The following BMPER variants were observed in gnomAD, a reference collection of about 807,000 sequenced individuals.
BMPER encodes BMP binding endothelial regulator, also known as BMP-binding endothelial regulator protein.
Under a neutral mutation model 87.3 loss-of-function variants are expected in BMPER, and 45 were observed. That is an observed-to-expected ratio of 0.52 (90% CI 0.41 to 0.66). The LOEUF (loss-of-function observed/expected upper bound fraction) is 0.66, where lower values mean the gene tolerates loss of function less well. Ranked by LOEUF, BMPER falls within the 30% of genes least tolerant of loss-of-function variation. The probability of loss-of-function intolerance (pLI) is 0.00; values close to 1 mark genes in which losing one functional copy is unlikely to be tolerated. For missense variants in BMPER, 784 were observed against 867.5 expected (o/e 0.90, Z 1.21); for synonymous variants, 326 against 316.2 (o/e 1.03, Z -0.33).
At chr7:34,007,914 T>A (rs1200890884) in intron 6 of BMPER, among the ~76,000 whole-genome samples, 1 of 151,956 alleles carries the variant, frequency 6.6e-6, no homozygotes, top group Non-Finnish European at 1.5e-5. Context: ...GATATTCACC[T>A]CCATTGAGAG....
intron 2 of BMPER, among the ~76,000 whole-genome samples, chr7:33,930,204 A>ATT (rs999841870): frequency 6.6e-6 from 1 of 150,984 alleles, no homozygotes; most frequent in African/African-American, 2.4e-5. Flanking sequence ...TTGTCTTTCT[A>ATT]TTTTTTTTCA....
rs1791289923 is a variant in BMPER, at chr7:34,155,712, C to G, written c.*2439C>G. 1 of 152,200 alleles carries G rather than the reference C, an allele frequency of 6.6e-6. No homozygotes were observed. Among genetic ancestry groups the G allele is most frequent in the Admixed American group, 6.5e-5 (1 of 15,284 alleles). The allele number at this position is 152,200 out of a possible 1,614,324, so 9.4% of individuals were successfully genotyped here. On this transcript the variant is annotated 3_prime_UTR_variant, in exon 15 of 15. Transcript: ENST00000649409. Reference sequence around the variant, plus strand: ...TTCTTTTTTAGGCCACAGGCTACAGCTGAGCAATGGCTTAGTCTAATGATT... The same window carrying G: ...TTCTTTTTTAGGCCACAGGCTACAGGTGAGCAATGGCTTAGTCTAATGATT...
At chr7:34,062,748 T>A (rs1425830016) in intron 11 of BMPER, among the ~76,000 whole-genome samples, 1 of 152,198 alleles carries the variant, frequency 6.6e-6, no homozygotes, top group African/African-American at 2.4e-5. Flanking sequence ...GTACAGCGTG[T>A]CGCTGTACTG....
At chr7:34,152,952 C>A in intron 14 of BMPER, 140 bp from the exon 15 acceptor site, 1 of 980,516 alleles carries the variant, frequency 1.0e-6, no homozygotes, top group Non-Finnish European at 1.6e-6. Context: ...GTTTGTCATT[C>A]TCTTGTTAAA....
Position 34,153,462 on chromosome 7 carries a change from T to G in BMPER, c.*189T>G. Reference sequence around the variant, plus strand: ...TATATGAACTATAGGGGGATTATTATATGTATATTTTTTGCTATAAGACAT... The same window carrying G: ...TATATGAACTATAGGGGGATTATTAGATGTATATTTTTTGCTATAAGACAT... On this transcript the variant is annotated 3_prime_UTR_variant, in exon 15 of 15. Coordinates refer to ENST00000649409, the MANE Select transcript of BMPER (RefSeq NM_001365308.1). 8.0e-6 allele frequency: 5 copies of G among 625,022 alleles called. No homozygotes were observed. The South Asian group carries it at 1.0e-4, about 13-fold the overall frequency. The allele number at this position is 625,022 out of a possible 1,614,324, so 38.7% of individuals were successfully genotyped here. A position where few individuals can be genotyped will look rare whatever the true frequency, so the allele number is the denominator to read the frequency against.
intron 6 of BMPER, among the ~76,000 whole-genome samples, chr7:34,020,643 G>A (rs1236288489): frequency 1.3e-5 from 2 of 151,918 alleles, no homozygotes. Context: ...ATAAAACATA[G>A]GAGTAAAAGG....
chr7:34,055,177 T>C lies in BMPER; in HGVS notation c.801T>C (p.Val267=), dbSNP rs761271423. 5.0e-6 allele frequency: 8 copies of C among 1,614,028 alleles called. No homozygotes were observed. Among genetic ancestry groups the C allele is most frequent in the Non-Finnish European group, 5.1e-6 (6 of 1,180,032 alleles). ...TGGGCCCCCAGGACTCTACTGTGGTTTGCAAGAGGAAGTGCTCCCACCCTG... is the reference window on the plus strand; with the variant it reads ...TGGGCCCCCAGGACTCTACTGTGGTCTGCAAGAGGAAGTGCTCCCACCCTG... ...TACTCRDSTV[V]CKRKCSHPGG... Residue 267 remains valine, a synonymous_variant, in exon 9 of 15, where the codon GTT becomes GTC. Transcript: ENST00000649409.
chr7:34,021,033 G>A (rs1787173123), intron 6 of BMPER, among the ~76,000 whole-genome samples: 2 of 152,026 alleles, frequency 1.3e-5, no homozygotes, highest in Admixed American at 1.3e-4. Flanking sequence ...TGATGTAGGA[G>A]GAGATGCTTC....
intron 13 of BMPER, among the ~76,000 whole-genome samples, chr7:34,119,539 C>A (rs1383992764): frequency 6.6e-6 from 1 of 152,202 alleles, no homozygotes; most frequent in Admixed American, 6.5e-5. Flanking sequence ...GGAACATCTT[C>A]ATGCACATGT....
At chr7:34,131,345 G>A (rs542339291) in intron 13 of BMPER, among the ~76,000 whole-genome samples, 12 of 152,268 alleles carry the variant, frequency 7.9e-5, no homozygotes, top group Non-Finnish European at 1.8e-4. Flanking sequence ...GTGCAGTGAT[G>A]GGATGTGAAT....
chr7:33,952,284 A>G (rs969326410), intron 3 of BMPER, among the ~76,000 whole-genome samples: 4 of 152,214 alleles, frequency 2.6e-5, no homozygotes, highest in Non-Finnish European at 5.9e-5. Flanking sequence ...CATACCTATC[A>G]TGAAGAGTAA....
At chr7:34,077,772 C>G (rs1321368615) in intron 11 of BMPER, among the ~76,000 whole-genome samples, 1 of 152,204 alleles carries the variant, frequency 6.6e-6, no homozygotes, top group Non-Finnish European at 1.5e-5. Flanking sequence ...GCACATCCTT[C>G]CTCTGTCTTG....
intron 3 of BMPER, among the ~76,000 whole-genome samples, chr7:33,954,201 A>C (rs932024155): frequency 6.6e-6 from 1 of 152,212 alleles, no homozygotes; most frequent in Non-Finnish European, 1.5e-5. Flanking sequence ...AAGGAGAGCC[A>C]GACATAATGC....
chr7:34,044,715 G>C (rs1264655381), intron 6 of BMPER, among the ~76,000 whole-genome samples: 4 of 152,084 alleles, frequency 2.6e-5, no homozygotes, highest in Admixed American at 6.6e-5. Flanking sequence ...CAACAGAAGA[G>C]CTTTTTCTGG....
intron 8 of BMPER, 45 bp from the exon 9 acceptor site, chr7:34,055,118 A>G (rs576562657): frequency 1.2e-6 from 2 of 1,613,726 alleles, no homozygotes; most frequent in African/African-American, 2.7e-5. Flanking sequence ...TGTTTGGTAG[A>G]GGCGAAAATC....
intron 12 of BMPER, among the ~76,000 whole-genome samples, chr7:34,081,264 T>C (rs116388983): frequency 0.011 from 1,622 of 152,380 alleles, 44 homozygotes; most frequent in African/African-American, 0.037. Flanking sequence ...CTATTGATTA[T>C]GTATTTGAAA....
intron 13 of BMPER, among the ~76,000 whole-genome samples, chr7:34,114,822 G>C (rs567525317): frequency 1.3e-5 from 2 of 152,232 alleles, no homozygotes; most frequent in Non-Finnish European, 2.9e-5. Flanking sequence ...GCAACACATA[G>C]TTCTGAAACT....
chr7:33,997,746 A>G (rs1318654776), intron 6 of BMPER, among the ~76,000 whole-genome samples: 2 of 152,004 alleles, frequency 1.3e-5, no homozygotes, highest in Admixed American at 1.3e-4. Context: ...TTCTCACCTC[A>G]GTTCTTTTGT....
At chr7:33,996,977 A>T (rs910106374) in intron 6 of BMPER, among the ~76,000 whole-genome samples, 1 of 152,154 alleles carries the variant, frequency 6.6e-6, no homozygotes, top group Admixed American at 6.5e-5. Flanking sequence ...TGGCTACCAT[A>T]TTGGACAGTG....
Sources: allele counts gnomAD v4.1 joint callset (sites outside exome capture counted in the v4.1 genomes callset), GRCh38; gene constraint gnomAD v4.1.1; transcripts MANE v1.5; gene names NCBI Gene and HGNC (gene_info 2026-07-23, HGNC 2026-07-21).